Variants in OSBPL8 observed in about 807,000 individuals in gnomAD.
OSBPL8 encodes the protein oxysterol-binding protein-related protein 8.
A neutral mutation model predicts 125.5 loss-of-function variants in OSBPL8; 59 were observed. That is an observed-to-expected ratio of 0.47 (90% CI 0.38 to 0.58). The LOEUF is 0.58. OSBPL8 is among the 20% of genes least tolerant of loss of function. The pLI is 0.00. For synonymous variants in OSBPL8, 330 were observed against 338.9 expected (o/e 0.97, Z 0.29); for missense variants, 758 against 1,047.8 (o/e 0.72, Z 3.82).
At chr12:76,402,802 T>C (rs760985793) in intron 5 of OSBPL8, 36 bp from the exon 6 acceptor site, 2 of 1,349,826 alleles carry the variant, frequency 1.5e-6, no homozygotes, top group East Asian at 2.3e-5. Context: ...ATTAAATCCT[T>C]CAGATTTTCT....
At chr12:76,476,341 G>A (rs1484826600) in intron 2 of OSBPL8, among the ~76,000 whole-genome samples, 1 of 151,872 alleles carries the variant, frequency 6.6e-6, no homozygotes, top group African/African-American at 2.4e-5. Context: ...ACAACAAACT[G>A]AACAATCTTG....
At chr12:76,550,819 G>C (rs1326784625) in intron 1 of OSBPL8, among the ~76,000 whole-genome samples, 1 of 152,138 alleles carries the variant, frequency 6.6e-6, no homozygotes, top group Non-Finnish European at 1.5e-5. Context: ...TCAACATTAA[G>C]GCTGGGTACC....
At chr12:76,382,603 CTGGGTGCAGTGGCTCACGCCTGTA>C (rs1171193345) in intron 15 of OSBPL8, among the ~76,000 whole-genome samples, 1 of 152,206 alleles carries the variant, frequency 6.6e-6, no homozygotes, top group Admixed American at 6.5e-5. Context: ...TCACAGTCGG[CTGGGTGCAGTGGCTCACGCCTGTA>C]ACCCCAGCAC....
chr12:76,521,566 G>A (rs1190904529), intron 1 of OSBPL8, among the ~76,000 whole-genome samples: 1 of 152,118 alleles, frequency 6.6e-6, no homozygotes, highest in African/African-American at 2.4e-5. Context: ...ACAAATGAAG[G>A]CACAAGCAAA....
intron 2 of OSBPL8, among the ~76,000 whole-genome samples, chr12:76,486,962 G>A (rs1878203022): frequency 6.6e-6 from 1 of 151,464 alleles, no homozygotes; most frequent in South Asian, 2.1e-4. Context: ...GAGGAGGATG[G>A]AGCAGAAATA....
chr12:76,423,594 T>C (rs1228592101), intron 4 of OSBPL8, among the ~76,000 whole-genome samples: 1 of 152,220 alleles, frequency 6.6e-6, no homozygotes, highest in African/African-American at 2.4e-5. Flanking sequence ...TGACCAGTAT[T>C]GACTCCACGT....
intron 5 of OSBPL8, among the ~76,000 whole-genome samples, chr12:76,408,032 A>G (rs1954344030): frequency 6.6e-6 from 1 of 151,002 alleles, no homozygotes; most frequent in South Asian, 2.1e-4. Context: ...TAAGTTGGGC[A>G]TGATGGCAAT....
chr12:76,480,308 T>C (rs956720569), intron 2 of OSBPL8, among the ~76,000 whole-genome samples: 2 of 152,128 alleles, frequency 1.3e-5, no homozygotes, highest in Admixed American at 6.5e-5. Flanking sequence ...ATTTTGGAGA[T>C]ATATACGGAC....
chr12:76,526,563 T>C (rs1950177971), intron 1 of OSBPL8, among the ~76,000 whole-genome samples: 1 of 150,790 alleles, frequency 6.6e-6, no homozygotes, highest in Non-Finnish European at 1.5e-5. Flanking sequence ...GCATATTTTC[T>C]AATATATAAT....
chr12:76,384,771 A>G (rs1953232299), intron 14 of OSBPL8, among the ~76,000 whole-genome samples: 1 of 152,208 alleles, frequency 6.6e-6, no homozygotes, highest in African/African-American at 2.4e-5. Flanking sequence ...GTCAACAGCC[A>G]GGTGATGAAC....
chr12:76,361,067 T>C (rs1365054972), intron 21 of OSBPL8, among the ~76,000 whole-genome samples: 1 of 152,182 alleles, frequency 6.6e-6, no homozygotes. Flanking sequence ...CCTGAAAAAA[T>C]GGGTTTTTCT....
At chr12:76,431,117 T>C (rs1338919382) in intron 4 of OSBPL8, among the ~76,000 whole-genome samples, 1 of 152,042 alleles carries the variant, frequency 6.6e-6, no homozygotes, top group Admixed American at 6.6e-5. Context: ...TACATAAGTA[T>C]GAGGTGGGGG....
chr12:76,533,625 T>TA (rs1950412389), intron 1 of OSBPL8, among the ~76,000 whole-genome samples: 1 of 152,092 alleles, frequency 6.6e-6, no homozygotes, highest in Non-Finnish European at 1.5e-5. Context: ...ATCAACAACT[T>TA]AAAGGCGAGA....
intron 2 of OSBPL8, among the ~76,000 whole-genome samples, chr12:76,467,307 G>C (rs1214644496): frequency 3.3e-5 from 5 of 152,030 alleles, no homozygotes; most frequent in Admixed American, 3.3e-4. Flanking sequence ...TTTCCTGCAG[G>C]TTCCATTGAT....
Position 76,487,536 on chromosome 12 carries a change from C to T in OSBPL8, c.16G>A (p.Ala6Thr). 6.2e-7 allele frequency: 1 copy of T among 1,604,942 alleles called. No individual in the cohort carries two copies. Among genetic ancestry groups the T allele is most frequent in the Non-Finnish European group, 8.5e-7 (1 of 1,176,286 alleles). MEGGL[A>T]DGEPDRTSLL... ...GAAGTTCGATCAGGTTCTCCATCTG[C>T]CAAACCTCCCTCCATAATGAAAGAA... The change falls in exon 2 of 24, where the codon GCA (alanine) becomes ACA (threonine). Residue 6 changes from alanine to threonine, a missense_variant. By Grantham distance (58) the Ala-to-Thr change is moderately conservative. Transcript: ENST00000261183.
intron 2 of OSBPL8, among the ~76,000 whole-genome samples, chr12:76,483,955 G>A (rs1181551432): frequency 1.3e-5 from 2 of 151,938 alleles, no homozygotes; most frequent in African/African-American, 4.8e-5. Flanking sequence ...GATTACAGGC[G>A]TGAGCCACTG....
intron 1 of OSBPL8, among the ~76,000 whole-genome samples, chr12:76,557,473 G>A (rs1341562122): frequency 6.6e-6 from 1 of 151,954 alleles, no homozygotes; most frequent in Admixed American, 6.6e-5. Context: ...AAATTAGCCT[G>A]GCATGGTGGC....
In OSBPL8 at chr12:76,475,827, C is replaced by A. The variant is rs1876734579; in HGVS notation, c.42+11683G>T. Among the ~76,000 whole-genome samples the A allele has an allele frequency of 1.3e-5, 2 of 152,198 alleles. 1 individual carries two copies. Among genetic ancestry groups the A allele is most frequent in the South Asian group, 4.1e-4 (2 of 4,832 alleles). On this transcript the variant is annotated intron_variant, in intron 2 of 23. Transcript: ENST00000261183. ...CTCTTTTCTCTCTAATCATTGAACA[C>A]CCTGTTTTTACTATGAGCACAAAAC...
intron 12 of OSBPL8, among the ~76,000 whole-genome samples, chr12:76,387,894 G>A (rs1953385586): frequency 6.6e-6 from 1 of 152,128 alleles, no homozygotes; most frequent in African/African-American, 2.4e-5. Context: ...CACATGTCTT[G>A]TTACTGCCCC....
Sources: gnomAD v4.1 joint callset for allele counts (sites outside exome capture counted in the v4.1 genomes callset) on GRCh38, gnomAD v4.1.1 for gene constraint, MANE v1.5 for transcripts, NCBI Gene and HGNC (gene_info 2026-07-23, HGNC 2026-07-21) for gene names.